ARSB: variants seen among roughly 807,000 people sequenced by gnomAD.
The protein encoded by ARSB is arylsulfatase B.
In ARSB, 41 loss-of-function variants were observed where a neutral mutation model predicts 50.9. That is an observed-to-expected ratio of 0.81 (90% CI 0.63 to 1.04). ARSB has a LOEUF of 1.04. Ranked by LOEUF, ARSB falls within the 50% of genes least tolerant of loss-of-function variation. ARSB has a pLI of 0.00. For synonymous variants in ARSB, 269 were observed against 284.8 expected (o/e 0.94, Z 0.56); for missense variants, 672 against 693.3 (o/e 0.97, Z 0.35).
intron 5 of ARSB, among the ~76,000 whole-genome samples, chr5:78,867,535 G>T (rs888187057): frequency 6.6e-6 from 1 of 152,088 alleles, no homozygotes; most frequent in East Asian, 1.9e-4. Context: ...GCCTAACTGG[G>T]AGGCACCCCC....
chr5:78,802,740 C>G lies in ARSB; in HGVS notation c.1214-20766G>C, dbSNP rs7729335. ...CTTAGACATCATCTAACCTGTTCTCCCCTTTGCATAGATGAGGAAATAGAA... is the reference window on the plus strand; with the variant it reads ...CTTAGACATCATCTAACCTGTTCTCGCCTTTGCATAGATGAGGAAATAGAA... On this transcript the variant is annotated intron_variant, in intron 6 of 7. Coordinates refer to ENST00000264914, the MANE Select transcript of ARSB (RefSeq NM_000046.5). 6.7e-3 allele frequency among the ~76,000 whole-genome samples: 1,025 copies of G among 152,304 alleles called. 15 individuals carry two copies. Among genetic ancestry groups the G allele is most frequent in the African/African-American group, 0.022 (925 of 41,564 alleles).
At chr5:78,910,717 T>TA (rs1749272310) in intron 4 of ARSB, among the ~76,000 whole-genome samples, 1 of 152,050 alleles carries the variant, frequency 6.6e-6, no homozygotes, top group African/African-American at 2.4e-5. Context: ...CTGAGCACAC[T>TA]AAAAAAATTT....
intron 4 of ARSB, among the ~76,000 whole-genome samples, chr5:78,949,591 G>T (rs1751409198): frequency 6.6e-6 from 1 of 152,208 alleles, no homozygotes; most frequent in South Asian, 2.1e-4. Context: ...TCATCTAAAT[G>T]TAAGTAAAAC....
At chr5:78,899,975 A>G (rs767038891) in intron 4 of ARSB, among the ~76,000 whole-genome samples, 102 of 151,576 alleles carry the variant, frequency 6.7e-4, no homozygotes, top group African/African-American at 8.2e-4. Context: ...TATTTGCTTA[A>G]TCTTTGCAAC....
intron 3 of ARSB, among the ~76,000 whole-genome samples, chr5:78,956,915 G>T (rs1751752733): frequency 6.6e-6 from 1 of 152,132 alleles, no homozygotes. Context: ...TTTAGAAGAG[G>T]TTTAGTATTT....
rs1227126866 is a variant in ARSB at position 78,779,767 on chromosome 5, G to A, written c.*630C>T. 2 of 153,976 alleles carry A rather than the reference G, an allele frequency of 1.3e-5. No homozygotes were observed. The highest frequency in any genetic ancestry group is 1.9e-4 in the East Asian group (1 of 5,210). 9.5% of individuals were successfully genotyped at this position (153,976 alleles called of 1,614,324 possible). ...AGACAGAGTGAGCAATGGCTGGGGG[G>A]AAATAAATTACGATAAAAACACATT... On this transcript the variant is annotated 3_prime_UTR_variant, in exon 8 of 8. Coordinates refer to ENST00000264914, the MANE Select transcript of ARSB (RefSeq NM_000046.5).
At chr5:78,881,871 AT>A (rs756415190) in intron 5 of ARSB, among the ~76,000 whole-genome samples, 22 of 152,268 alleles carry the variant, frequency 1.4e-4, no homozygotes, top group Non-Finnish European at 4.4e-5. Flanking sequence ...ATACAAATGT[AT>A]TTAATGTGTA....
chr5:78,920,348 A>G (rs1749747170), intron 4 of ARSB, among the ~76,000 whole-genome samples: 1 of 152,218 alleles, frequency 6.6e-6, no homozygotes, highest in African/African-American at 2.4e-5. Context: ...GTTTGAGACC[A>G]GCCTGAGCAA....
intron 7 of ARSB, among the ~76,000 whole-genome samples, chr5:78,781,250 TGAAGCATAA>T (rs1748915593): frequency 6.6e-6 from 1 of 151,674 alleles, no homozygotes; most frequent in Non-Finnish European, 1.5e-5. Context: ...GTATTTTCCA[TGAAGCATAA>T]GAGTGACATT....
At chr5:78,983,379 T>G (rs1211517203) in intron 1 of ARSB, among the ~76,000 whole-genome samples, 1 of 152,190 alleles carries the variant, frequency 6.6e-6, no homozygotes, top group Non-Finnish European at 1.5e-5. Flanking sequence ...AAGTTGGTAT[T>G]TGCTTTCCTG....
chr5:78,861,970 AACAG>A (rs1377853255), intron 5 of ARSB, among the ~76,000 whole-genome samples: 2 of 152,182 alleles, frequency 1.3e-5, no homozygotes, highest in Non-Finnish European at 1.5e-5. Context: ...ATACACAAAT[AACAG>A]ACAAACAGAG....
In ARSB at chr5:78,941,551, T is replaced by C. The variant is rs981823672; in HGVS notation, c.898+13744A>G. On this transcript the variant is annotated intron_variant, in intron 4 of 7. Transcript: ENST00000264914. The stretch of plus-strand genomic sequence containing the variant: ...TCTATTGAGATAATCATGTGGTTTT[T>C]GTCTTTGGTTCTCTTTATATGCTGG... 1.5e-3 allele frequency among the ~76,000 whole-genome samples: 236 copies of C among 152,370 alleles called. 1 individual carries two copies. The highest frequency in any genetic ancestry group is 5.3e-3 in the African/African-American group (220 of 41,592).
At chr5:78,897,018 T>C (rs1748594100) in intron 4 of ARSB, among the ~76,000 whole-genome samples, 1 of 151,712 alleles carries the variant, frequency 6.6e-6, no homozygotes, top group African/African-American at 2.4e-5. Flanking sequence ...ATAGACGAAA[T>C]AAATTTGGAC....
At chr5:78,933,577 G>C (rs1750442309) in intron 4 of ARSB, among the ~76,000 whole-genome samples, 1 of 152,118 alleles carries the variant, frequency 6.6e-6, no homozygotes, top group African/African-American at 2.4e-5. Flanking sequence ...TTGTGGATGG[G>C]GACACTGGGA....
intron 4 of ARSB, among the ~76,000 whole-genome samples, chr5:78,907,436 G>C (rs767053607): frequency 6.6e-6 from 1 of 152,160 alleles, no homozygotes; most frequent in African/African-American, 2.4e-5. Flanking sequence ...TGAGTCATGA[G>C]ATCTTTCCTG....
intron 5 of ARSB, among the ~76,000 whole-genome samples, chr5:78,844,854 C>T (rs1745375399): frequency 6.6e-6 from 1 of 151,988 alleles, no homozygotes; most frequent in Admixed American, 6.6e-5. Context: ...TAACCATCAC[C>T]TCAAATATTT....
intron 5 of ARSB, among the ~76,000 whole-genome samples, chr5:78,865,110 A>AGGGGGTGTCCTAGTAG (rs56143814): frequency 0.62 from 94,170 of 151,868 alleles, 29,579 homozygotes; most frequent in Middle Eastern, 0.67. Flanking sequence ...CAGCTCCACT[A>AGGGGGTGTCCTAGTAG]GGACTCCGTA....
At chr5:78,849,114 G>C (rs1327252171) in intron 5 of ARSB, among the ~76,000 whole-genome samples, 3 of 152,054 alleles carry the variant, frequency 2.0e-5, no homozygotes, top group African/African-American at 7.3e-5. Flanking sequence ...CATTGCTTTT[G>C]GTGTTTTAGA....
At position 78,817,252 on chromosome 5, in the gene ARSB, C is replaced by G. The variant is rs965447839; in HGVS notation, c.1213+22104G>C. On this transcript the variant is annotated intron_variant, in intron 6 of 7. Coordinates refer to ENST00000264914, the MANE Select transcript of ARSB (RefSeq NM_000046.5). ...GCTTCACTCTCTCTGGTTTATGCTT[C>G]CCTCCCCAAACCCACACATCCTTCA... is the stretch of plus-strand genomic sequence containing the variant. 50 of 356,448 alleles carry G rather than the reference C, an allele frequency of 1.4e-4. 1 individual carries two copies. Among genetic ancestry groups the G allele is most frequent in the Middle Eastern group, 2.9e-3 (2 of 692 alleles). The allele number at this position is 356,448 out of a possible 1,614,324, so 22.1% of individuals were successfully genotyped here.
Sources: allele counts gnomAD v4.1 joint callset (sites outside exome capture counted in the v4.1 genomes callset), GRCh38; gene constraint gnomAD v4.1.1; transcripts MANE v1.5; gene names NCBI Gene and HGNC (gene_info 2026-07-23, HGNC 2026-07-21).